SH3BP5: variants seen among roughly 807,000 people sequenced by gnomAD.
SH3BP5 encodes SH3 domain binding protein 5, also known as SH3 domain-binding protein 5.
SH3BP5 carries 22 observed loss-of-function variants against 43.3 expected under a neutral mutation model. That is an observed-to-expected ratio of 0.51 (90% confidence interval 0.36 to 0.73). SH3BP5 has a LOEUF of 0.73. Among genes scored for constraint, SH3BP5 ranks in the 30% least tolerant of loss-of-function variants. The pLI is 0.00. For synonymous variants in SH3BP5, 255 were observed against 225.8 expected, an observed-to-expected ratio of 1.13 and a Z score of -1.16; for missense variants, 529 against 586.9, an observed-to-expected ratio of 0.90 and a Z score of 1.02.
chr3:15,339,289 C>A (rs1698736098), intron 1 of SH3BP5, among the ~76,000 whole-genome samples: 1 of 151,982 alleles, frequency 6.6e-6, no homozygotes. Flanking sequence ...GTCTCTTGAC[C>A]CAGATGAATT....
chr3:15,276,019 C>CAAAAAAAA (rs35756562), intron 3 of SH3BP5: 2 of 66,162 alleles, frequency 3.0e-5, no homozygotes, highest in Non-Finnish European at 2.5e-5. Context: ...GACTCTGTCT[C>CAAAAAAAA]AAAAAAAAAA....
chr3:15,333,019 T>A, upstream of SH3BP5: 5 of 857,376 alleles, frequency 5.8e-6, no homozygotes, highest in Non-Finnish European at 7.0e-6. Context: ...CGTGCACTGA[T>A]GCATTGCCGA....
intron 3 of SH3BP5, among the ~76,000 whole-genome samples, chr3:15,277,562 C>T (rs1697006600): frequency 6.6e-6 from 1 of 152,126 alleles, no homozygotes; most frequent in African/African-American, 2.4e-5. Flanking sequence ...AGCCCTCATG[C>T]CTGCCTGAGC....
chr3:15,316,037 A>C (rs907619699), intron 2 of SH3BP5, among the ~76,000 whole-genome samples: 20 of 152,006 alleles, frequency 1.3e-4, no homozygotes, highest in Non-Finnish European at 2.2e-4. Context: ...TTGTCCCACT[A>C]AATTCTTTTA....
intron 4 of SH3BP5, among the ~76,000 whole-genome samples, chr3:15,262,647 C>T (rs1432031469): frequency 6.6e-6 from 1 of 151,874 alleles, no homozygotes; most frequent in East Asian, 1.9e-4. Flanking sequence ...CAGAGTGAGA[C>T]TCTGTCTCAA....
intron 5 of SH3BP5, 78 bp downstream of exon 5, chr3:15,262,079 AGT>A (rs1420474098): frequency 7.8e-6 from 12 of 1,545,786 alleles, no homozygotes; most frequent in African/African-American, 5.4e-5. Context: ...GTGGTCCTTG[AGT>A]GTGTGACATA....
At chr3:15,301,118 GTGGTGTGAAATC>G (rs1456021202) in intron 3 of SH3BP5, among the ~76,000 whole-genome samples, 1 of 152,180 alleles carries the variant, frequency 6.6e-6, no homozygotes, top group African/African-American at 2.4e-5. Context: ...AGAGCAGGGA[GTGGTGTGAAATC>G]TGCTCCAGGA....
At chr3:15,326,395 C>T (rs963019375) in intron 2 of SH3BP5, among the ~76,000 whole-genome samples, 1 of 152,186 alleles carries the variant, frequency 6.6e-6, no homozygotes, top group South Asian at 2.1e-4. Context: ...CGTGAGAGCA[C>T]GTTAGCAGCT....
At chr3:15,301,387 T>C (rs549110233) in intron 3 of SH3BP5, among the ~76,000 whole-genome samples, 28 of 152,324 alleles carry the variant, frequency 1.8e-4, no homozygotes, top group African/African-American at 6.5e-4. Context: ...TATTGATTTA[T>C]ACAATATTTG....
chr3:15,314,808 T>C (rs182391014), intron 2 of SH3BP5, among the ~76,000 whole-genome samples: 2 of 152,282 alleles, frequency 1.3e-5, no homozygotes, highest in African/African-American at 4.8e-5. Context: ...AGGGACCTAA[T>C]TCCCCTTCCC....
intron 3 of SH3BP5, among the ~76,000 whole-genome samples, chr3:15,297,973 CTTTT>C (rs57568903): frequency 2.8e-4 from 38 of 134,872 alleles, no homozygotes; most frequent in African/African-American, 8.3e-4. Flanking sequence ...TTTTCTTTTT[CTTTT>C]TTTTTTTTTT....
intron 8 of SH3BP5, 97 bp downstream of exon 8, chr3:15,256,755 TG>T: frequency 7.4e-7 from 1 of 1,354,688 alleles, no homozygotes; most frequent in Non-Finnish European, 1.0e-6. Context: ...TAATGCAGCA[TG>T]GGGGCCCTGA....
intron 2 of SH3BP5, among the ~76,000 whole-genome samples, chr3:15,325,156 A>C (rs11128743): frequency 0.14 from 22,055 of 152,254 alleles, 1,860 homozygotes; most frequent in East Asian, 0.32. Flanking sequence ...AAATATTACA[A>C]ATCTTTATTC....
intron 8 of SH3BP5, chr3:15,256,524 T>C (rs1046134174): frequency 9.8e-6 from 6 of 609,862 alleles, no homozygotes; most frequent in Non-Finnish European, 1.4e-5. Context: ...CTTGTGATGT[T>C]TTATATATTC....
rs114469997 is a variant in SH3BP5 at position 15,259,940 on chromosome 3, G to A, written c.627-137C>T. The A allele has an allele frequency of 5.0e-4, 382 of 757,232 alleles. 3 individuals are homozygous for A. The African/African-American group carries it at 5.9e-3, about 12-fold the overall frequency. The allele number at this position is 757,232 out of a possible 1,614,324, so 46.9% of individuals were successfully genotyped here. ...TATTTAGTAAACTCTTAACAAGGCC[G>A]TGACATGTCAGTGATGCTCCTAGCT... On this transcript the variant is annotated intron_variant, in intron 5 of 8. Transcript: ENST00000383791.
At chr3:15,328,694 T>G (rs988233289) in intron 2 of SH3BP5, among the ~76,000 whole-genome samples, 2 of 152,080 alleles carry the variant, frequency 1.3e-5, no homozygotes, top group African/African-American at 4.8e-5. Flanking sequence ...GAGCTGTGAT[T>G]GCACCACTGC....
intron 2 of SH3BP5, among the ~76,000 whole-genome samples, chr3:15,308,434 G>A (rs565775102): frequency 6.7e-4 from 102 of 152,302 alleles, no homozygotes; most frequent in African/African-American, 2.3e-3. Flanking sequence ...ATGGCAGAGT[G>A]AACAATTAAA....
At chr3:15,266,478 A>C (rs1283716293) in intron 4 of SH3BP5, among the ~76,000 whole-genome samples, 1 of 152,210 alleles carries the variant, frequency 6.6e-6, no homozygotes, top group Non-Finnish European at 1.5e-5. Flanking sequence ...AGACATCAGA[A>C]AAGCCAATTT....
intron 3 of SH3BP5, among the ~76,000 whole-genome samples, chr3:15,274,116 G>A (rs1015984459): frequency 6.6e-6 from 1 of 152,020 alleles, no homozygotes; most frequent in African/African-American, 2.4e-5. Context: ...TGTGGTGGCA[G>A]AAGTCTATAG....
Sources: gnomAD v4.1 joint callset for allele counts (sites outside exome capture counted in the v4.1 genomes callset) on GRCh38, gnomAD v4.1.1 for gene constraint, MANE v1.5 for transcripts, NCBI Gene and HGNC (gene_info 2026-07-23, HGNC 2026-07-21) for gene names.